Variants in DAB1 observed in about 807,000 individuals in gnomAD.
DAB1 encodes the protein disabled homolog 1.
In DAB1, 15 loss-of-function variants were observed where a neutral mutation model predicts 64.6. That is an observed-to-expected ratio of 0.23 (90% CI 0.16 to 0.36). The LOEUF is 0.36. DAB1 is among the 10% of genes least tolerant of loss of function. The pLI is 1.00. For missense variants in DAB1, 596 were observed against 706.7 expected (o/e 0.84, Z 1.78); for synonymous variants, 235 against 251.9 (o/e 0.93, Z 0.64).
chr1:57,116,141 C>T (rs1050712726), intron 4 of DAB1, among the ~76,000 whole-genome samples: 5 of 152,068 alleles, frequency 3.3e-5, no homozygotes, highest in African/African-American at 7.2e-5. Flanking sequence ...TCTTGGCATG[C>T]TGAGCAGTTT....
At chr1:57,511,410 T>C (rs918481944) in intron 7 of DAB1, among the ~76,000 whole-genome samples, 5 of 152,226 alleles carry the variant, frequency 3.3e-5, no homozygotes, top group African/African-American at 1.2e-4. Flanking sequence ...TTGCATGAAA[T>C]GCTCTTCATC....
At chr1:57,103,766 T>G (rs553082755) in intron 4 of DAB1, among the ~76,000 whole-genome samples, 1 of 152,264 alleles carries the variant, frequency 6.6e-6, no homozygotes, top group South Asian at 2.1e-4. Context: ...ATGTATATTT[T>G]AAAAGGATTG....
chr1:57,548,625 C>T (rs973070038), intron 7 of DAB1, among the ~76,000 whole-genome samples: 6 of 152,168 alleles, frequency 3.9e-5, no homozygotes, highest in African/African-American at 7.2e-5. Context: ...ACAGTATTTT[C>T]TCCTGAAAAG....
intron 3 of DAB1, among the ~76,000 whole-genome samples, chr1:58,351,551 T>A (rs1569672749): frequency 6.6e-6 from 1 of 152,076 alleles, no homozygotes; most frequent in East Asian, 1.9e-4. Context: ...CTTGGCTCGG[T>A]AGATGGCTAA....
chr1:57,129,096 T>C (rs111255741), intron 4 of DAB1, among the ~76,000 whole-genome samples: 1 of 152,096 alleles, frequency 6.6e-6, no homozygotes, highest in African/African-American at 2.4e-5. Context: ...GCTTAGAAAA[T>C]ACTACCACCA....
intron 7 of DAB1, among the ~76,000 whole-genome samples, chr1:57,609,486 C>T (rs775703956): frequency 7.2e-5 from 11 of 152,198 alleles, no homozygotes; most frequent in South Asian, 6.2e-4. Context: ...GGGGGATCCT[C>T]GAGACGAATT....
At chr1:58,478,065 A>C (rs1273491101) in intron 3 of DAB1, among the ~76,000 whole-genome samples, 1 of 152,166 alleles carries the variant, frequency 6.6e-6, no homozygotes, top group African/African-American at 2.4e-5. Flanking sequence ...GTCCCCACCC[A>C]AATCTCATTT....
At chr1:57,656,392 C>T (rs1011237743) in intron 6 of DAB1, among the ~76,000 whole-genome samples, 1 of 152,166 alleles carries the variant, frequency 6.6e-6, no homozygotes, top group African/African-American at 2.4e-5. Flanking sequence ...TTTGGCAACA[C>T]ATATACTAAA....
At chr1:57,204,546 T>C (rs935281022) in intron 2 of DAB1, among the ~76,000 whole-genome samples, 1 of 151,778 alleles carries the variant, frequency 6.6e-6, no homozygotes, top group Non-Finnish European at 1.5e-5. Context: ...ATCTAAAATA[T>C]CAAGGAAGAC....
At chr1:57,397,935 C>T (rs114691458) in intron 1 of DAB1, among the ~76,000 whole-genome samples, 1,837 of 152,344 alleles carry the variant, frequency 0.012, 47 homozygotes, top group African/African-American at 0.042. Flanking sequence ...CAACCTTTCT[C>T]ATGTATAAAG....
intron 7 of DAB1, among the ~76,000 whole-genome samples, chr1:57,460,445 T>C (rs1300933578): frequency 6.6e-6 from 1 of 152,204 alleles, no homozygotes; most frequent in Non-Finnish European, 1.5e-5. Context: ...AACAGAAGAC[T>C]GAATCCTCTT....
intron 7 of DAB1, among the ~76,000 whole-genome samples, chr1:57,481,891 T>C (rs1394137108): frequency 1.3e-5 from 2 of 151,940 alleles, no homozygotes; most frequent in Non-Finnish European, 1.5e-5. Context: ...AATAAAATAA[T>C]CTAAATCATT....
intron 1 of DAB1, among the ~76,000 whole-genome samples, chr1:57,845,718 T>C (rs1030145219): frequency 8.2e-4 from 125 of 152,300 alleles, no homozygotes; most frequent in African/African-American, 2.7e-3. Flanking sequence ...TCTTCTCTGA[T>C]TCTGATTGAT....
intron 5 of DAB1, among the ~76,000 whole-genome samples, chr1:58,127,019 C>T (rs1653151502): frequency 6.6e-6 from 1 of 150,514 alleles, no homozygotes; most frequent in African/African-American, 2.5e-5. Context: ...TTCTAGATCC[C>T]TGAGGAATCG....
At chr1:58,038,377 G>A (rs184219975) in intron 5 of DAB1, among the ~76,000 whole-genome samples, 55 of 151,762 alleles carry the variant, frequency 3.6e-4, no homozygotes, top group Non-Finnish European at 7.2e-4. Flanking sequence ...TCCACACAAC[G>A]TACAGATCAC....
intron 7 of DAB1, among the ~76,000 whole-genome samples, chr1:57,521,434 G>A (rs1243871028): frequency 1.3e-5 from 2 of 150,368 alleles, no homozygotes; most frequent in African/African-American, 2.5e-5. Context: ...GCAGGGGGCT[G>A]AACGACAAGT....
At chr1:57,605,696 A>G (rs945036662) in intron 7 of DAB1, among the ~76,000 whole-genome samples, 1 of 152,214 alleles carries the variant, frequency 6.6e-6, no homozygotes, top group Non-Finnish European at 1.5e-5. Context: ...TTCTTTATTC[A>G]GTTAGTATCA....
chr1:57,900,055 C>T (rs1426338220), intron 5 of DAB1, among the ~76,000 whole-genome samples: 8 of 151,914 alleles, frequency 5.3e-5, no homozygotes, highest in South Asian at 2.1e-4. Flanking sequence ...CCTCCCATTT[C>T]GGCCTCCCAA....
chr1:58,185,432 C>T (rs1206536673), intron 4 of DAB1, among the ~76,000 whole-genome samples: 1 of 152,182 alleles, frequency 6.6e-6, no homozygotes, highest in Non-Finnish European at 1.5e-5. Flanking sequence ...GTTGTGGTCA[C>T]TCAGAAGGAA....
Sources: allele counts gnomAD v4.1 joint callset (sites outside exome capture counted in the v4.1 genomes callset), GRCh38; gene constraint gnomAD v4.1.1; transcripts MANE v1.5; gene names NCBI Gene and HGNC (gene_info 2026-07-23, HGNC 2026-07-21).